The following ANKRD60 variants were observed in gnomAD, a reference collection of about 807,000 sequenced individuals.
The protein encoded by ANKRD60 is ankyrin repeat domain-containing protein 60.
Under a neutral mutation model 21.3 loss-of-function variants are expected in ANKRD60, and 24 were observed. The ratio of observed to expected loss-of-function variants is 1.13; its 90% CI spans 0.82 to 1.59. The LOEUF is 1.59. Among genes scored for constraint, ANKRD60 ranks in the 40% most tolerant of loss-of-function variants. ANKRD60 has a pLI of 0.00. For synonymous variants in ANKRD60, 182 were observed against 199.4 expected, an observed-to-expected ratio of 0.91 and a Z score of 0.74; for missense variants, 490 against 466.7, an observed-to-expected ratio of 1.05 and a Z score of -0.46.
chr20:58,219,810 G>C (rs1984209809), intron 3 of ANKRD60, among the ~76,000 whole-genome samples: 1 of 152,176 alleles, frequency 6.6e-6, no homozygotes, highest in East Asian at 1.9e-4. Flanking sequence ...TTGCAAAGCT[G>C]GCTGTAATTT....
intron 3 of ANKRD60, 131 bp from the exon 4 acceptor site, chr20:58,218,936 C>G (rs1984190204): frequency 2.6e-6 from 2 of 770,212 alleles, no homozygotes; most frequent in Non-Finnish European, 2.0e-6. Flanking sequence ...GCCCTGCCCC[C>G]AGTCCACTCC....
chr20:58,216,136 G>A (rs1248806448), downstream of ANKRD60, among the ~76,000 whole-genome samples: 4 of 152,162 alleles, frequency 2.6e-5, no homozygotes, highest in African/African-American at 9.7e-5. Context: ...TCCTTCTATG[G>A]CTCTGGATAT....
At position 58,228,553 on chromosome 20, in the gene ANKRD60, T is replaced by C. The variant is rs1245344294; in HGVS notation, c.101A>G (p.Asn34Ser). 24 of 1,299,900 alleles carry C rather than the reference T, an allele frequency of 1.8e-5. No homozygotes were observed. Among genetic ancestry groups the C allele is most frequent in the East Asian group, 6.7e-5 (2 of 29,906 alleles). The allele number at this position is 1,299,900 out of a possible 1,614,324, so 80.5% of individuals were successfully genotyped here. A position where few individuals can be genotyped will look rare whatever the true frequency, so the allele number is the denominator to read the frequency against. Residue 34 changes from asparagine (N) to serine (S), a missense_variant, in exon 1 of 4, where the codon AAT becomes AGT. By Grantham distance (46) the Asn-to-Ser change is conservative. Transcript: ENST00000457363. The surrounding 1 kb of genome is among the most constrained non-coding windows in gnomAD (Gnocchi z 5.3). Reference sequence around the variant, plus strand: ...CCGCGCACCGCTCCTGCGTCCCGCATTGGGGTGCAGGCGAGAGGCGCCCCC... The same window carrying C: ...CCGCGCACCGCTCCTGCGTCCCGCACTGGGGTGCAGGCGAGAGGCGCCCCC...
rs185007824 is a variant in ANKRD60, at chr20:58,219,981, C to A, written c.728-1176G>T. On this transcript the variant is annotated intron_variant, in intron 3 of 3. Transcript: ENST00000457363. ...AGGAAGGAGAATATTGTTGAGGTAA[C>A]CTTTACCCATCACAGAGGTTTGTAC... Among the ~76,000 whole-genome samples the A allele has an allele frequency of 2.2e-4, 33 of 152,308 alleles. No individual in the cohort carries two copies. In the East Asian group the frequency reaches 3.1e-3, roughly 14 times the overall value.
chr20:58,227,244 T>C (rs1019739024), intron 1 of ANKRD60, among the ~76,000 whole-genome samples: 9 of 152,202 alleles, frequency 5.9e-5, no homozygotes, highest in Non-Finnish European at 1.3e-4. Flanking sequence ...TTTGACCTCT[T>C]TGCCTGGACA....
intron 3 of ANKRD60, among the ~76,000 whole-genome samples, chr20:58,221,042 C>T (rs148407543): frequency 1.3e-5 from 2 of 152,274 alleles, no homozygotes; most frequent in African/African-American, 2.4e-5. Context: ...AGAAATGAAC[C>T]AGGGATCCTT....
downstream of ANKRD60, among the ~76,000 whole-genome samples, chr20:58,217,810 G>A (rs545077528): frequency 3.9e-5 from 6 of 152,322 alleles, 1 homozygote; most frequent in South Asian, 1.2e-3. Flanking sequence ...GACCACTGGA[G>A]ATGGGACAAA....
chr20:58,221,363 A>T (rs1423414971), exon 3 of ANKRD60: 4 of 1,552,284 alleles, frequency 2.6e-6, no homozygotes, highest in Admixed American at 2.0e-5. Context: ...ACTGCACAGC[A>T]TCAAAGTGGC....
downstream of ANKRD60, chr20:58,218,489 C>T (rs541075242): frequency 4.7e-5 from 73 of 1,545,226 alleles, no homozygotes; most frequent in African/African-American, 1.8e-4. Flanking sequence ...ACGTTCCCAC[C>T]AGGAGCTAAT....
At chr20:58,227,292 G>A (rs1165444418) in intron 1 of ANKRD60, among the ~76,000 whole-genome samples, 1 of 152,176 alleles carries the variant, frequency 6.6e-6, no homozygotes, top group Non-Finnish European at 1.5e-5. Context: ...GGTAGTCATG[G>A]TTAGCCTGGA....
chr20:58,218,630 G>C (rs61736024), exon 4 of ANKRD60: 1 of 1,551,664 alleles, frequency 6.4e-7, no homozygotes, highest in Non-Finnish European at 8.7e-7. Context: ...TCTGCCTCTC[G>C]CTCAGTGTGT....
chr20:58,219,149 T>C (rs528759236), intron 3 of ANKRD60, among the ~76,000 whole-genome samples: 1 of 152,150 alleles, frequency 6.6e-6, no homozygotes, highest in East Asian at 1.9e-4. Context: ...ATACCTACCT[T>C]CCACCTTCAT....
At chr20:58,220,295 T>C (rs1238872950) in intron 3 of ANKRD60, among the ~76,000 whole-genome samples, 1 of 152,192 alleles carries the variant, frequency 6.6e-6, no homozygotes, top group African/African-American at 2.4e-5. Context: ...CTTGAGGGTC[T>C]AGGCTGTTAA....
At chr20:58,219,120 C>T (rs879462312) in intron 3 of ANKRD60, among the ~76,000 whole-genome samples, 1 of 152,184 alleles carries the variant, frequency 6.6e-6, no homozygotes, top group East Asian at 1.9e-4. Context: ...TCCCCCACCC[C>T]ACCACCAAGG....
chr20:58,221,600 T>C, intron 2 of ANKRD60, 97 bp from the exon 3 acceptor site: 6 of 1,354,500 alleles, frequency 4.4e-6, no homozygotes, highest in Non-Finnish European at 6.0e-6. Context: ...CTTGCTTGAA[T>C]GTCAAATTAA....
At chr20:58,224,523 A>G (rs529714469) in intron 1 of ANKRD60, among the ~76,000 whole-genome samples, 72 of 152,358 alleles carry the variant, frequency 4.7e-4, no homozygotes, top group African/African-American at 1.6e-3. Flanking sequence ...TGCTGGCACC[A>G]GACCTGCTTC....
At chr20:58,221,255 G>T (rs1226182081) in intron 3 of ANKRD60, 83 bp downstream of exon 3, 7 of 1,409,864 alleles carry the variant, frequency 5.0e-6, no homozygotes, top group Non-Finnish European at 6.7e-6. Flanking sequence ...CTGCTGGAAG[G>T]ACTGGGAACA....
At chr20:58,218,494 G>T (rs1282457376), downstream of ANKRD60, 3 of 1,547,498 alleles carry the variant, frequency 1.9e-6, no homozygotes, top group Non-Finnish European at 2.6e-6. Flanking sequence ...CCCACCAGGA[G>T]CTAATGAGGG....
chr20:58,226,912 G>A (rs192827007), intron 1 of ANKRD60, among the ~76,000 whole-genome samples: 17 of 152,202 alleles, frequency 1.1e-4, no homozygotes, highest in Admixed American at 1.0e-3. Context: ...ATGCACAAAT[G>A]GTTAGTTGGA....
Sources: gnomAD v4.1 joint callset for allele counts (sites outside exome capture counted in the v4.1 genomes callset) on GRCh38, gnomAD v4.1.1 for gene constraint, Gnocchi (gnomAD v3.1) non-coding constraint, MANE v1.5 for transcripts, NCBI Gene and HGNC (gene_info 2026-07-23, HGNC 2026-07-21) for gene names.